PIK3CB: variants seen among roughly 807,000 people sequenced by gnomAD.
The protein encoded by PIK3CB is phosphatidylinositol 4,5-bisphosphate 3-kinase catalytic subunit beta isoform.
PIK3CB carries 39 observed loss-of-function variants against 136.8 expected under a neutral mutation model. The ratio of observed to expected loss-of-function variants is 0.29; its 90% CI spans 0.22 to 0.37. PIK3CB has a LOEUF of 0.37. Among genes scored for constraint, PIK3CB ranks in the 10% least tolerant of loss-of-function variants. PIK3CB has a pLI of 1.00. For missense variants in PIK3CB, 868 were observed against 1,275.4 expected, an observed-to-expected ratio of 0.68 and a Z score of 4.87; for synonymous variants, 428 against 436.6, an observed-to-expected ratio of 0.98 and a Z score of 0.25.
chr3:138,655,457 G>A lies in PIK3CB; in HGVS notation c.3145C>T (p.Leu1049Phe), dbSNP rs2108381770. Residue 1049 changes from leucine (L) to phenylalanine (F), a missense_variant, in exon 24 of 24, where the codon CTC becomes TTC. Around this residue, in one of 4 missense-constraint regions of PIK3CB, gnomAD observed 88 missense variants for 147.8 expected, o/e 0.60. Transcript: ENST00000674063. ...KQFKQKFDEALRESWTTKVNW... is the reference protein window; with the variant it reads ...KQFKQKFDEAFRESWTTKVNW... ...ACTTTAGTAGTCCAGCTTTCCCTGA[G>A]CGCCTCATCAAATTTTTGCTTAAAC... 6.2e-7 allele frequency: 1 copy of A among 1,613,572 alleles called. No homozygotes were observed. Among genetic ancestry groups the A allele is most frequent in the Non-Finnish European group, 8.5e-7 (1 of 1,179,466 alleles).
chr3:138,746,961 C>T (rs967082983), intron 4 of PIK3CB, among the ~76,000 whole-genome samples: 2 of 148,214 alleles, frequency 1.3e-5, no homozygotes, highest in East Asian at 4.0e-4. Flanking sequence ...TGTTTTTTCA[C>T]AATGGTACTT....
chr3:138,729,325 G>A (rs1402175355), intron 8 of PIK3CB, among the ~76,000 whole-genome samples: 1 of 151,982 alleles, frequency 6.6e-6, no homozygotes, highest in Non-Finnish European at 1.5e-5. Context: ...AATTTTATGT[G>A]TCAACTTGAT....
intron 8 of PIK3CB, among the ~76,000 whole-genome samples, chr3:138,716,659 G>T (rs1576351874): frequency 6.6e-6 from 1 of 152,214 alleles, no homozygotes; most frequent in Non-Finnish European, 1.5e-5. Context: ...ATTTTGGGAG[G>T]CTGAGGTGGG....
At chr3:138,677,667 C>T (rs1360198763) in intron 19 of PIK3CB, among the ~76,000 whole-genome samples, 3 of 152,150 alleles carry the variant, frequency 2.0e-5, no homozygotes, top group Admixed American at 1.3e-4. Flanking sequence ...GAGGCCAAGG[C>T]GGGCGGATCA....
At chr3:138,830,088 G>C (rs1409116675) in intron 1 of PIK3CB, among the ~76,000 whole-genome samples, 1 of 152,144 alleles carries the variant, frequency 6.6e-6, no homozygotes, top group Non-Finnish European at 1.5e-5. Context: ...CGGAAGCCCT[G>C]GGGCATTAGA....
chr3:138,701,472 A>G (rs1361224435), intron 12 of PIK3CB, among the ~76,000 whole-genome samples: 1 of 152,154 alleles, frequency 6.6e-6, no homozygotes, highest in East Asian at 1.9e-4. Context: ...TAAAGGAAAT[A>G]CTGAAGAATT....
At chr3:138,692,706 C>A (rs1577079625) in intron 14 of PIK3CB, among the ~76,000 whole-genome samples, 1 of 152,120 alleles carries the variant, frequency 6.6e-6, no homozygotes, top group Non-Finnish European at 1.5e-5. Context: ...TTAAAACATA[C>A]ACGATTTTAA....
intron 2 of PIK3CB, among the ~76,000 whole-genome samples, chr3:138,783,918 T>C (rs1398677850): frequency 6.6e-6 from 1 of 151,974 alleles, no homozygotes; most frequent in East Asian, 1.9e-4. Context: ...AAAGCCCAAA[T>C]AACCCATAAA....
intron 20 of PIK3CB, 68 bp downstream of exon 20, chr3:138,664,968 A>C (rs1488704085): frequency 1.9e-6 from 2 of 1,059,154 alleles, no homozygotes; most frequent in African/African-American, 1.6e-5. Context: ...GCTGACTTCT[A>C]TTGGGAGCAT....
At chr3:138,766,817 G>A (rs966630127) in intron 2 of PIK3CB, among the ~76,000 whole-genome samples, 1 of 152,194 alleles carries the variant, frequency 6.6e-6, no homozygotes, top group Non-Finnish European at 1.5e-5. Context: ...CCAACTAGGA[G>A]TAAATCATCA....
chr3:138,712,965 T>C (rs1021085468), intron 9 of PIK3CB, among the ~76,000 whole-genome samples: 10 of 152,166 alleles, frequency 6.6e-5, no homozygotes, highest in African/African-American at 2.4e-4. Flanking sequence ...TGGAAGGAGA[T>C]AATGTCTCTA....
At chr3:138,722,250 ACACACAC>A (rs1576357403) in intron 8 of PIK3CB, among the ~76,000 whole-genome samples, 2 of 132,980 alleles carry the variant, frequency 1.5e-5, no homozygotes, top group East Asian at 2.7e-4. Flanking sequence ...ACACACACAC[ACACACAC>A]GTGTGTAGGC....
chr3:138,779,108 CG>C (rs2045893707), intron 2 of PIK3CB, among the ~76,000 whole-genome samples: 1 of 134,348 alleles, frequency 7.4e-6, no homozygotes, highest in African/African-American at 2.8e-5. Flanking sequence ...TTTTTTGAGA[CG>C]GAGTCTCGCT....
At chr3:138,683,917 A>C (rs886531356) in intron 17 of PIK3CB, 130 bp from the exon 18 acceptor site, 93 of 607,556 alleles carry the variant, frequency 1.5e-4, no homozygotes, top group Non-Finnish European at 1.3e-4. Context: ...AGTCAGACTT[A>C]GAAGAGTCCC....
intron 4 of PIK3CB, among the ~76,000 whole-genome samples, chr3:138,750,588 GGTTCC>G (rs1438497092): frequency 6.6e-6 from 1 of 152,132 alleles, no homozygotes; most frequent in Non-Finnish European, 1.5e-5. Context: ...TGTGCGGCCT[GGTTCC>G]TAACCAGCAA....
intron 2 of PIK3CB, among the ~76,000 whole-genome samples, chr3:138,781,373 G>C (rs1456172870): frequency 1.3e-5 from 2 of 151,966 alleles, no homozygotes; most frequent in African/African-American, 2.4e-5. Context: ...TAGCACTTTA[G>C]GAGATGGAGG....
At chr3:138,799,390 A>C (rs1343993011) in intron 1 of PIK3CB, among the ~76,000 whole-genome samples, 1 of 151,858 alleles carries the variant, frequency 6.6e-6, no homozygotes, top group Non-Finnish European at 1.5e-5. Flanking sequence ...CATATTGGCC[A>C]GGCTGGTCTT....
intron 21 of PIK3CB, among the ~76,000 whole-genome samples, chr3:138,662,780 C>A (rs970115158): frequency 3.9e-5 from 6 of 152,098 alleles, no homozygotes; most frequent in African/African-American, 1.4e-4. Context: ...CCTGTTGTTT[C>A]CTGACTTTTT....
At chr3:138,706,441 G>A (rs904460795) in intron 11 of PIK3CB, among the ~76,000 whole-genome samples, 4 of 152,124 alleles carry the variant, frequency 2.6e-5, no homozygotes, top group South Asian at 4.1e-4. Context: ...ATTAGGAAGC[G>A]CCACTAACAG....
Sources: gnomAD v4.1 joint callset for allele counts (sites outside exome capture counted in the v4.1 genomes callset) on GRCh38, gnomAD v4.1.1 for gene constraint, gnomAD v4.1.1 regional missense constraint, MANE v1.5 for transcripts, NCBI Gene and HGNC (gene_info 2026-07-23, HGNC 2026-07-21) for gene names.